The following MAGI2 variants were observed in gnomAD, a reference collection of about 807,000 sequenced individuals.
MAGI2 encodes membrane associated guanylate kinase, WW and PDZ domain containing 2, also known as membrane-associated guanylate kinase, WW and PDZ domain-containing protein 2.
In MAGI2, 35 loss-of-function variants were observed where a neutral mutation model predicts 133.3. The ratio of observed to expected loss-of-function variants is 0.26; its 90% CI spans 0.20 to 0.35. MAGI2 has a LOEUF of 0.35. MAGI2 is among the 10% of genes least tolerant of loss of function. MAGI2 has a pLI of 1.00. For synonymous variants in MAGI2, 729 were observed against 710.6 expected, an observed-to-expected ratio of 1.03 and a Z score of -0.41; for missense variants, 1,636 against 1,863.4, an observed-to-expected ratio of 0.88 and a Z score of 2.25.
At chr7:78,526,871 G>T (rs1348710862) in intron 3 of MAGI2, among the ~76,000 whole-genome samples, 1 of 151,652 alleles carries the variant, frequency 6.6e-6, no homozygotes, top group Non-Finnish European at 1.5e-5. Context: ...AGGTGGGCAT[G>T]GTGGCATGTG....
chr7:78,981,390 T>G (rs1190854199), intron 2 of MAGI2, among the ~76,000 whole-genome samples: 1 of 151,742 alleles, frequency 6.6e-6, no homozygotes, highest in Non-Finnish European at 1.5e-5. Flanking sequence ...TTATTATCTC[T>G]TTCTTCTGAT....
chr7:78,038,204 T>C (rs1810437258), intron 21 of MAGI2, among the ~76,000 whole-genome samples: 1 of 152,206 alleles, frequency 6.6e-6, no homozygotes, highest in African/African-American at 2.4e-5. Flanking sequence ...CCTAACACAG[T>C]GCTGGGCACA....
chr7:79,363,217 C>T (rs1242957981), intron 1 of MAGI2, among the ~76,000 whole-genome samples: 1 of 145,600 alleles, frequency 6.9e-6, no homozygotes, highest in Non-Finnish European at 1.5e-5. Context: ...AAATGAAATT[C>T]TTAGGTATAC....
intron 9 of MAGI2, among the ~76,000 whole-genome samples, chr7:78,310,753 C>G (rs1798634279): frequency 6.6e-6 from 1 of 152,076 alleles, no homozygotes; most frequent in Admixed American, 6.6e-5. Flanking sequence ...TGTAGGATAT[C>G]AAGCTTGATT....
At chr7:79,343,622 TAAA>T (rs1158736373) in intron 1 of MAGI2, among the ~76,000 whole-genome samples, 1 of 152,058 alleles carries the variant, frequency 6.6e-6, no homozygotes, top group African/African-American at 2.4e-5. Flanking sequence ...TATATTCTGT[TAAA>T]AAAATATTAA....
intron 9 of MAGI2, among the ~76,000 whole-genome samples, chr7:78,314,543 G>T (rs924211329): frequency 6.6e-6 from 1 of 152,146 alleles, no homozygotes. Flanking sequence ...AAGGAGCAAT[G>T]ATCCAGAACT....
intron 1 of MAGI2, among the ~76,000 whole-genome samples, chr7:79,446,594 A>G (rs1052485143): frequency 6.6e-6 from 1 of 152,182 alleles, no homozygotes; most frequent in African/African-American, 2.4e-5. Context: ...TATTTCAAAT[A>G]TTGAAACAAA....
At chr7:79,371,319 G>A (rs1039111297) in intron 1 of MAGI2, among the ~76,000 whole-genome samples, 1 of 151,906 alleles carries the variant, frequency 6.6e-6, no homozygotes, top group African/African-American at 2.4e-5. Flanking sequence ...TAAATGAATT[G>A]TCAAAGTAAT....
chr7:78,612,778 T>A (rs1806604959), intron 3 of MAGI2, among the ~76,000 whole-genome samples: 1 of 152,064 alleles, frequency 6.6e-6, no homozygotes, highest in Non-Finnish European at 1.5e-5. Flanking sequence ...CATGCCATTC[T>A]CCTGCCTCAG....
At chr7:78,850,696 G>C (rs927030719) in intron 2 of MAGI2, among the ~76,000 whole-genome samples, 3 of 152,024 alleles carry the variant, frequency 2.0e-5, no homozygotes, top group East Asian at 1.9e-4. Flanking sequence ...GGGGAAAGCA[G>C]GACTTTGCTT....
intron 1 of MAGI2, among the ~76,000 whole-genome samples, chr7:79,019,931 C>T (rs911606966): frequency 2.0e-5 from 3 of 151,880 alleles, no homozygotes; most frequent in African/African-American, 7.3e-5. Context: ...TGTAAAGATA[C>T]CAAAAAATGT....
intron 1 of MAGI2, among the ~76,000 whole-genome samples, chr7:79,393,918 G>A (rs576260331): frequency 6.6e-6 from 1 of 152,264 alleles, no homozygotes; most frequent in South Asian, 2.1e-4. Context: ...ACAGAGCCAG[G>A]TCTGGGTGTC....
intron 1 of MAGI2, among the ~76,000 whole-genome samples, chr7:79,195,256 C>G (rs997889468): frequency 6.6e-6 from 1 of 151,912 alleles, no homozygotes; most frequent in Non-Finnish European, 1.5e-5. Flanking sequence ...AATGAAAGCA[C>G]CTCTTACAAA....
At chr7:79,319,179 G>A (rs191985800) in intron 1 of MAGI2, among the ~76,000 whole-genome samples, 1 of 152,186 alleles carries the variant, frequency 6.6e-6, no homozygotes, top group East Asian at 1.9e-4. Context: ...TTACAGACAG[G>A]TAAGTTTGGG....
intron 1 of MAGI2, among the ~76,000 whole-genome samples, chr7:79,050,556 T>C (rs945418010): frequency 6.6e-6 from 1 of 152,172 alleles, no homozygotes; most frequent in Non-Finnish European, 1.5e-5. Flanking sequence ...CTAATTTTTT[T>C]GTTTTTGTAG....
intron 1 of MAGI2, among the ~76,000 whole-genome samples, chr7:79,342,541 C>T (rs960299419): frequency 1.3e-5 from 2 of 152,116 alleles, no homozygotes; most frequent in African/African-American, 4.8e-5. Context: ...AGGATATAGC[C>T]AAGAAACTCT....
chr7:79,174,207 A>G (rs571126375), intron 1 of MAGI2, among the ~76,000 whole-genome samples: 30 of 152,176 alleles, frequency 2.0e-4, no homozygotes, highest in African/African-American at 5.8e-4. Flanking sequence ...TACCTCTCCA[A>G]TAAATAATTT....
chr7:79,340,107 T>C (rs1840778633), intron 1 of MAGI2, among the ~76,000 whole-genome samples: 3 of 152,138 alleles, frequency 2.0e-5, no homozygotes, highest in African/African-American at 7.2e-5. Flanking sequence ...TTTCAAATAT[T>C]TGTTCTGTTC....
intron 1 of MAGI2, among the ~76,000 whole-genome samples, chr7:79,423,992 A>C (rs1338916666): frequency 6.6e-6 from 1 of 152,130 alleles, no homozygotes; most frequent in Non-Finnish European, 1.5e-5. Context: ...ATTCCTATAA[A>C]CCATTGTTCC....
Sources: allele counts gnomAD v4.1 joint callset (sites outside exome capture counted in the v4.1 genomes callset), GRCh38; gene constraint gnomAD v4.1.1; transcripts MANE v1.5; gene names NCBI Gene and HGNC (gene_info 2026-07-23, HGNC 2026-07-21).